Variants in GABBR2 observed in about 807,000 individuals in gnomAD.
GABBR2 encodes the protein G-protein coupled receptor 51.
GABBR2 carries 23 observed loss-of-function variants against 105.6 expected under a neutral mutation model. The observed-to-expected ratio is 0.22, with a 90% CI of 0.16 to 0.31. GABBR2 has a LOEUF of 0.31. GABBR2 is among the 10% of genes least tolerant of loss of function. GABBR2 has a pLI of 1.00. For missense variants in GABBR2, 734 were observed against 1,245.5 expected, an observed-to-expected ratio of 0.59 and a Z score of 6.18; for synonymous variants, 478 against 499.7, an observed-to-expected ratio of 0.96 and a Z score of 0.58.
intron 3 of GABBR2, among the ~76,000 whole-genome samples, chr9:98,520,293 A>T (rs1243691712): frequency 6.6e-6 from 1 of 152,214 alleles, no homozygotes; most frequent in Non-Finnish European, 1.5e-5. Context: ...AAATCCTGAA[A>T]GGTATATCTT....
intron 1 of GABBR2, among the ~76,000 whole-genome samples, chr9:98,589,086 A>G (rs981042337): frequency 2.0e-5 from 3 of 152,200 alleles, no homozygotes; most frequent in African/African-American, 7.2e-5. Flanking sequence ...TGGACTGAGC[A>G]TGGCAGAGGA....
chr9:98,634,244 T>C (rs1829851305), intron 1 of GABBR2, among the ~76,000 whole-genome samples: 1 of 152,216 alleles, frequency 6.6e-6, no homozygotes, highest in South Asian at 2.1e-4. Context: ...CCAAAAAGAA[T>C]GTGGAACTTC....
At chr9:98,314,997 G>C (rs1211954921) in intron 13 of GABBR2, among the ~76,000 whole-genome samples, 1 of 152,102 alleles carries the variant, frequency 6.6e-6, no homozygotes, top group Admixed American at 6.5e-5. Flanking sequence ...CTTCAGGTTG[G>C]ACCAAGACCC....
chr9:98,613,422 G>A (rs1447189491), intron 1 of GABBR2, among the ~76,000 whole-genome samples: 1 of 149,462 alleles, frequency 6.7e-6, no homozygotes, highest in Non-Finnish European at 1.5e-5. Flanking sequence ...CCTTGGTGAC[G>A]GAGCAAGACA....
chr9:98,297,665 T>C (rs948430789), intron 17 of GABBR2, among the ~76,000 whole-genome samples: 5 of 151,756 alleles, frequency 3.3e-5, no homozygotes, highest in Non-Finnish European at 5.9e-5. Context: ...TGATTTAAAA[T>C]AATATTATAA....
intron 1 of GABBR2, among the ~76,000 whole-genome samples, chr9:98,604,777 A>T (rs1003476584): frequency 3.9e-5 from 6 of 152,210 alleles, no homozygotes; most frequent in African/African-American, 1.4e-4. Context: ...CACTCAAAAC[A>T]AACATTATCA....
intron 1 of GABBR2, among the ~76,000 whole-genome samples, chr9:98,605,568 A>G (rs1303587765): frequency 6.6e-6 from 1 of 152,160 alleles, no homozygotes; most frequent in Non-Finnish European, 1.5e-5. Flanking sequence ...GGATCTTCTA[A>G]GGGTCTAGGG....
chr9:98,520,413 C>G (rs1224994419), intron 3 of GABBR2, among the ~76,000 whole-genome samples: 2 of 152,192 alleles, frequency 1.3e-5, no homozygotes, highest in African/African-American at 4.8e-5. Flanking sequence ...TTTCACCACC[C>G]CCGGAAGGAG....
intron 13 of GABBR2, among the ~76,000 whole-genome samples, chr9:98,331,403 T>C (rs1282281830): frequency 2.1e-5 from 3 of 145,758 alleles, no homozygotes; most frequent in African/African-American, 7.6e-5. Flanking sequence ...CTTCTTTTTT[T>C]TTTTTTTTTT....
chr9:98,477,074 T>G (rs1169851883), intron 5 of GABBR2, among the ~76,000 whole-genome samples: 1 of 152,136 alleles, frequency 6.6e-6, no homozygotes, highest in Admixed American at 6.5e-5. Flanking sequence ...CTGGTATGCT[T>G]CTCTGTCTCC....
intron 1 of GABBR2, among the ~76,000 whole-genome samples, chr9:98,656,944 A>G (rs1162640124): frequency 6.6e-6 from 1 of 152,244 alleles, no homozygotes; most frequent in Non-Finnish European, 1.5e-5. Flanking sequence ...GCTGGATCAG[A>G]GGTTGCAAAC....
intron 13 of GABBR2, among the ~76,000 whole-genome samples, chr9:98,321,572 A>G (rs939304469): frequency 6.6e-6 from 1 of 152,184 alleles, no homozygotes; most frequent in Non-Finnish European, 1.5e-5. Context: ...AGCCTGACCT[A>G]CCAGCAGCAG....
At chr9:98,518,681 G>A (rs1328305323) in intron 3 of GABBR2, among the ~76,000 whole-genome samples, 1 of 152,234 alleles carries the variant, frequency 6.6e-6, no homozygotes, top group East Asian at 1.9e-4. Flanking sequence ...GCAGCACAGA[G>A]CATGAGGTCC....
intron 7 of GABBR2, among the ~76,000 whole-genome samples, chr9:98,428,269 C>A (rs1234034312): frequency 3.3e-5 from 5 of 151,996 alleles, no homozygotes; most frequent in Non-Finnish European, 5.9e-5. Context: ...TACCTCAGAA[C>A]GGAAGGAGGA....
intron 2 of GABBR2, among the ~76,000 whole-genome samples, chr9:98,553,285 G>A (rs1177942404): frequency 6.6e-6 from 1 of 151,962 alleles, no homozygotes; most frequent in East Asian, 1.9e-4. Context: ...ACTTGCCTGG[G>A]GCCCCATAGC....
chr9:98,436,377 A>ACACAC (rs1825920785), intron 7 of GABBR2, among the ~76,000 whole-genome samples: 1 of 51,210 alleles, frequency 2.0e-5, no homozygotes, highest in Non-Finnish European at 3.4e-5. Context: ...ATATATATAT[A>ACACAC]TATATATATA....
chr9:98,290,960 A>G (rs1435027737), intron 18 of GABBR2, among the ~76,000 whole-genome samples: 1 of 152,178 alleles, frequency 6.6e-6, no homozygotes, highest in Non-Finnish European at 1.5e-5. Flanking sequence ...GGGAATGACC[A>G]GGGAGACTTG....
At chr9:98,626,518 A>T (rs548197277) in intron 1 of GABBR2, among the ~76,000 whole-genome samples, 26 of 152,292 alleles carry the variant, frequency 1.7e-4, no homozygotes, top group African/African-American at 6.0e-4. Context: ...GCCTGGGTCA[A>T]ATCCTGATCT....
chr9:98,614,164 CAAAAT>C (rs1002657037), intron 1 of GABBR2, among the ~76,000 whole-genome samples: 1 of 152,156 alleles, frequency 6.6e-6, no homozygotes, highest in Non-Finnish European at 1.5e-5. Context: ...AAGGAACACT[CAAAAT>C]AAGAGAGTAG....
Sources: gnomAD v4.1 joint callset for allele counts (sites outside exome capture counted in the v4.1 genomes callset) on GRCh38, gnomAD v4.1.1 for gene constraint, MANE v1.5 for transcripts, NCBI Gene and HGNC (gene_info 2026-07-23, HGNC 2026-07-21) for gene names.